The following ZNF420 variants were observed in gnomAD, a reference collection of about 807,000 sequenced individuals.
ZNF420 encodes ATM and p53-associated KZNF protein.
Under a neutral mutation model 44.7 loss-of-function variants are expected in ZNF420, and 31 were observed. The observed-to-expected ratio is 0.69, with a 90% CI of 0.52 to 0.94. The LOEUF is 0.94. Ranked by LOEUF, ZNF420 falls within the 40% of genes least tolerant of loss-of-function variation. ZNF420 has a pLI of 0.00. For missense variants in ZNF420, 681 were observed against 827.9 expected, an observed-to-expected ratio of 0.82 and a Z score of 2.18; for synonymous variants, 245 against 267.4, an observed-to-expected ratio of 0.92 and a Z score of 0.82.
intron 1 of ZNF420, among the ~76,000 whole-genome samples, chr19:37,016,943 G>T (rs1044256119): frequency 3.3e-5 from 5 of 152,144 alleles, no homozygotes; most frequent in Non-Finnish European, 7.4e-5. Flanking sequence ...ATCCACAAGG[G>T]TTTCATAACC....
intron 1 of ZNF420, among the ~76,000 whole-genome samples, chr19:37,039,402 CA>C (rs1192726210): frequency 1.3e-5 from 2 of 152,202 alleles, no homozygotes; most frequent in African/African-American, 2.4e-5. Flanking sequence ...GGCATGAAAA[CA>C]GCATTCATTT....
chr19:37,018,429 A>T (rs2074623115), intron 1 of ZNF420, among the ~76,000 whole-genome samples: 1 of 152,234 alleles, frequency 6.6e-6, no homozygotes, highest in African/African-American at 2.4e-5. Flanking sequence ...CAAAGAGTCC[A>T]ATATTAATCA....
chr19:37,043,637 C>A (rs1170095169), intron 1 of ZNF420, among the ~76,000 whole-genome samples: 1 of 152,136 alleles, frequency 6.6e-6, no homozygotes, highest in Non-Finnish European at 1.5e-5. Flanking sequence ...CCATGCCCAG[C>A]TAATTTTGTA....
intron 1 of ZNF420, among the ~76,000 whole-genome samples, chr19:37,035,236 TA>T (rs1271654174): frequency 6.6e-6 from 1 of 152,212 alleles, no homozygotes; most frequent in African/African-American, 2.4e-5. Flanking sequence ...ATCCACCCTA[TA>T]AAAGCCTTCC....
chr19:37,128,456 C>T lies in ZNF420; in HGVS notation c.1465C>T (p.Gln489Ter). 6.2e-7 allele frequency: 1 copy of T among 1,614,092 alleles called. No homozygotes were observed. Reference protein sequence around the residue: ...ECGKSFIRGSQLTQHQRIHTG... With the variant: ...ECGKSFIRGS ...TGGGAAATCTTTTATTCGTGGTTCCCAGCTTACTCAACATCAGAGAATCCA... is the reference window on the plus strand; with the variant it reads ...TGGGAAATCTTTTATTCGTGGTTCCTAGCTTACTCAACATCAGAGAATCCA... Residue 489 changes from glutamine to a stop codon, truncating the protein, a stop_gained, in exon 5 of 5, where the codon CAG becomes TAG. Coordinates refer to ENST00000337995, the MANE Select transcript of ZNF420 (RefSeq NM_144689.5). LOFTEE classifies it high-confidence loss of function.
At chr19:37,014,773 G>C (rs1411451768) in intron 1 of ZNF420, among the ~76,000 whole-genome samples, 1 of 152,214 alleles carries the variant, frequency 6.6e-6, no homozygotes, top group Non-Finnish European at 1.5e-5. Flanking sequence ...AGGCTTGGCA[G>C]ATCAGGAGCC....
chr19:37,083,156 GC>G (rs369455806), intron 2 of ZNF420, among the ~76,000 whole-genome samples: 22 of 149,756 alleles, frequency 1.5e-4, no homozygotes, highest in African/African-American at 5.2e-4. Flanking sequence ...ACCATGCCTG[GC>G]CCCGTTTTTG....
chr19:37,059,444 C>T (rs1487062009), intron 1 of ZNF420, among the ~76,000 whole-genome samples: 1 of 152,248 alleles, frequency 6.6e-6, no homozygotes, highest in East Asian at 1.9e-4. Context: ...AAGCAGGAGC[C>T]CTCCGTGGCA....
At chr19:37,066,446 G>T (rs1331194945) in intron 1 of ZNF420, among the ~76,000 whole-genome samples, 1 of 140,476 alleles carries the variant, frequency 7.1e-6, no homozygotes, top group Non-Finnish European at 1.6e-5. Context: ...AAAAAAAAAA[G>T]AACTTCTATA....
At chr19:37,056,509 GA>G (rs889740058) in intron 1 of ZNF420, among the ~76,000 whole-genome samples, 2 of 152,214 alleles carry the variant, frequency 1.3e-5, no homozygotes, top group African/African-American at 2.4e-5. Context: ...ACTTGTCCTG[GA>G]AAGCGGTGTC....
At chr19:37,089,807 ATACT>A (rs1969033058) in intron 3 of ZNF420, among the ~76,000 whole-genome samples, 1 of 152,216 alleles carries the variant, frequency 6.6e-6, no homozygotes, top group Non-Finnish European at 1.5e-5. Context: ...GAACCAAGAA[ATACT>A]TACAAGATTT....
chr19:37,042,072 T>C (rs1248345561), intron 1 of ZNF420, among the ~76,000 whole-genome samples: 2 of 152,242 alleles, frequency 1.3e-5, no homozygotes, highest in Admixed American at 6.5e-5. Context: ...TGATCTTGGC[T>C]CACTGCAACT....
intron 1 of ZNF420, among the ~76,000 whole-genome samples, chr19:37,027,373 A>G (rs1035498481): frequency 1.3e-5 from 2 of 152,184 alleles, no homozygotes; most frequent in African/African-American, 4.8e-5. Context: ...CACTTCCTCT[A>G]TTATCATCTT....
chr19:37,115,766 C>T (rs114543683), intron 4 of ZNF420, among the ~76,000 whole-genome samples: 2,032 of 151,862 alleles, frequency 0.013, 48 homozygotes, highest in African/African-American at 0.046. Context: ...GGCTGGGGGG[C>T]GGTCAGGTTT....
At chr19:37,084,879 T>C (rs1968668074) in intron 2 of ZNF420, among the ~76,000 whole-genome samples, 2 of 152,358 alleles carry the variant, frequency 1.3e-5, no homozygotes, top group South Asian at 4.1e-4. Flanking sequence ...GGTAATATTT[T>C]TTTTTGAAAA....
chr19:37,032,439 AG>A (rs1349091190), intron 1 of ZNF420, among the ~76,000 whole-genome samples: 1 of 145,416 alleles, frequency 6.9e-6, no homozygotes, highest in African/African-American at 2.6e-5. Context: ...TGGGAGGTGG[AG>A]GTTGCAGTGA....
At chr19:37,089,526 G>A (rs546892591) in intron 3 of ZNF420, among the ~76,000 whole-genome samples, 6 of 152,254 alleles carry the variant, frequency 3.9e-5, no homozygotes, top group East Asian at 1.9e-4. Context: ...TGTGGCAAGC[G>A]CTCATGCTTT....
chr19:37,054,687 A>G (rs1967709056), intron 1 of ZNF420, among the ~76,000 whole-genome samples: 1 of 152,226 alleles, frequency 6.6e-6, no homozygotes, highest in African/African-American at 2.4e-5. Flanking sequence ...AATAGCAAAC[A>G]CGGTGGAGGG....
chr19:37,025,436 T>C (rs1359033284), intron 1 of ZNF420, among the ~76,000 whole-genome samples: 1 of 152,180 alleles, frequency 6.6e-6, no homozygotes, highest in African/African-American at 2.4e-5. Context: ...ATTGGAATTA[T>C]AAGAAAGAGA....
Sources: gnomAD v4.1 joint callset for allele counts (sites outside exome capture counted in the v4.1 genomes callset) on GRCh38, gnomAD v4.1.1 for gene constraint, MANE v1.5 for transcripts, NCBI Gene and HGNC (gene_info 2026-07-23, HGNC 2026-07-21) for gene names.